The following FGF14 variants were observed in gnomAD, a reference collection of about 807,000 sequenced individuals.
FGF14 encodes the protein fibroblast growth factor 14.
Under a neutral mutation model 25.5 loss-of-function variants are expected in FGF14, and 5 were observed. That is an observed-to-expected ratio of 0.20 (90% CI 0.10 to 0.41). The LOEUF (loss-of-function observed/expected upper bound fraction) is 0.41. Ranked by LOEUF, FGF14 falls within the 10% of genes least tolerant of loss-of-function variation. The pLI is 1.00. For missense variants in FGF14, 222 were observed against 320.1 expected, an observed-to-expected ratio of 0.69 and a Z score of 2.34; for synonymous variants, 138 against 118.3, an observed-to-expected ratio of 1.17 and a Z score of -1.08.
intron 1 of FGF14, among the ~76,000 whole-genome samples, chr13:101,960,211 A>G (rs1299253090): frequency 2.0e-5 from 3 of 152,148 alleles, no homozygotes; most frequent in African/African-American, 7.2e-5. Flanking sequence ...TCCTTTCTTA[A>G]TTAAGTTCTG....
At chr13:102,055,567 G>A (rs974581368) in intron 1 of FGF14, among the ~76,000 whole-genome samples, 6 of 152,142 alleles carry the variant, frequency 3.9e-5, no homozygotes, top group African/African-American at 1.4e-4. Context: ...CCTTAGAACT[G>A]GGCAGTCAGG....
intron 1 of FGF14, among the ~76,000 whole-genome samples, chr13:102,031,797 A>C (rs2139938980): frequency 6.6e-6 from 1 of 152,184 alleles, no homozygotes; most frequent in Non-Finnish European, 1.5e-5. Context: ...TGTATAACCC[A>C]TGACAGGAAT....
rs145326601 is a variant in FGF14, at chr13:101,972,277, T to C, written c.209-96981A>G. Among the ~76,000 whole-genome samples, 620 of 152,312 alleles carry C rather than the reference T, an allele frequency of 4.1e-3. 2 individuals are homozygous for C. The highest frequency in any genetic ancestry group is 0.014 in the African/African-American group (586 of 41,574). ...GTGCTGAACGAGGTTGCTGGTACCA[T>C]AGCAGATTCTCATGAGGCACAGTGA... On this transcript the variant is annotated intron_variant, in intron 1 of 4. Transcript: ENST00000376131.
At chr13:102,177,789 A>C (rs1028587354) in intron 1 of FGF14, among the ~76,000 whole-genome samples, 3 of 151,832 alleles carry the variant, frequency 2.0e-5, no homozygotes, top group East Asian at 1.9e-4. Flanking sequence ...GAAAAAAAAA[A>C]CCTCCATCTC....
chr13:101,923,030 T>G (rs187857050), intron 1 of FGF14, among the ~76,000 whole-genome samples: 22 of 152,260 alleles, frequency 1.4e-4, no homozygotes, highest in Admixed American at 1.4e-3. Context: ...ATTTTAAGAT[T>G]ATTTTAGGTA....
chr13:101,861,479 G>A (rs1222237305), intron 3 of FGF14, among the ~76,000 whole-genome samples: 5 of 152,088 alleles, frequency 3.3e-5, no homozygotes, highest in Non-Finnish European at 7.4e-5. Flanking sequence ...TCTTTCCACA[G>A]TTCCTCAGAA....
intron 1 of FGF14, chr13:102,016,923 C>G (rs887418744): frequency 1.3e-5 from 2 of 152,360 alleles, no homozygotes; most frequent in African/African-American, 2.4e-5. Flanking sequence ...GATGTTTACT[C>G]TTAGACAAGC....
At chr13:102,166,828 G>T (rs1248067290) in intron 1 of FGF14, among the ~76,000 whole-genome samples, 1 of 152,134 alleles carries the variant, frequency 6.6e-6, no homozygotes, top group Non-Finnish European at 1.5e-5. Flanking sequence ...GTTGTGACCG[G>T]AGATTCACAA....
At chr13:101,758,836 G>C (rs751702145) in intron 3 of FGF14, among the ~76,000 whole-genome samples, 83 of 152,102 alleles carry the variant, frequency 5.5e-4, no homozygotes, top group Non-Finnish European at 1.0e-3. Context: ...CTGGGTTGAG[G>C]GATGAGGTAT....
intron 1 of FGF14, among the ~76,000 whole-genome samples, chr13:102,314,256 T>C (rs1187713125): frequency 6.6e-6 from 1 of 152,196 alleles, no homozygotes. Context: ...ATAAAGTGTA[T>C]TCACTTGTGT....
chr13:102,081,895 C>T (rs937824452), intron 1 of FGF14, among the ~76,000 whole-genome samples: 2 of 152,026 alleles, frequency 1.3e-5, no homozygotes, highest in Admixed American at 6.6e-5. Context: ...AATTATGATT[C>T]AGATTTAGTT....
At chr13:101,930,902 T>C (rs555584082) in intron 1 of FGF14, among the ~76,000 whole-genome samples, 1 of 152,304 alleles carries the variant, frequency 6.6e-6, no homozygotes, top group South Asian at 2.1e-4. Flanking sequence ...GTAAAGAGAA[T>C]GCCTGTTTTC....
chr13:102,056,302 A>C (rs1238521129), intron 1 of FGF14, among the ~76,000 whole-genome samples: 3 of 152,178 alleles, frequency 2.0e-5, no homozygotes, highest in Non-Finnish European at 4.4e-5. Context: ...GACTACCTAC[A>C]TTTAGGCTCA....
chr13:101,891,146 C>A (rs142752217), intron 1 of FGF14, among the ~76,000 whole-genome samples: 1 of 152,250 alleles, frequency 6.6e-6, no homozygotes, highest in East Asian at 1.9e-4. Flanking sequence ...GTGAAACTGG[C>A]AACCATAATA....
chr13:101,901,476 G>T (rs1223323626), intron 1 of FGF14, among the ~76,000 whole-genome samples: 1 of 152,170 alleles, frequency 6.6e-6, no homozygotes, highest in Non-Finnish European at 1.5e-5. Flanking sequence ...GGCCGGGGCG[G>T]GTGGGTCACC....
intron 1 of FGF14, among the ~76,000 whole-genome samples, chr13:102,017,790 CCTTT>C (rs1383945404): frequency 6.6e-6 from 1 of 152,070 alleles, no homozygotes; most frequent in East Asian, 1.9e-4. Context: ...TATCTCTTTG[CCTTT>C]CTTTATTAAT....
intron 1 of FGF14, among the ~76,000 whole-genome samples, chr13:102,185,973 G>A (rs900848456): frequency 2.0e-5 from 3 of 152,126 alleles, no homozygotes; most frequent in African/African-American, 4.8e-5. Context: ...TTATCCAAAT[G>A]AAAATAATAA....
At chr13:102,262,016 G>A (rs983044280) in intron 1 of FGF14, among the ~76,000 whole-genome samples, 1 of 152,160 alleles carries the variant, frequency 6.6e-6, no homozygotes, top group Non-Finnish European at 1.5e-5. Flanking sequence ...GTAGCCTTGT[G>A]GATTCACTCA....
At chr13:101,819,506 C>G (rs1449006654) in intron 3 of FGF14, among the ~76,000 whole-genome samples, 1 of 152,088 alleles carries the variant, frequency 6.6e-6, no homozygotes, top group Non-Finnish European at 1.5e-5. Flanking sequence ...TATATTCTAC[C>G]TATCAGTGAT....
Sources: allele counts gnomAD v4.1 joint callset (sites outside exome capture counted in the v4.1 genomes callset), GRCh38; gene constraint gnomAD v4.1.1; transcripts MANE v1.5; gene names NCBI Gene and HGNC (gene_info 2026-07-23, HGNC 2026-07-21).